Variants in LRRIQ1 observed in about 807,000 individuals in gnomAD.
LRRIQ1 encodes leucine rich repeats and IQ motif containing 1.
Under a neutral mutation model 211.9 loss-of-function variants are expected in LRRIQ1, and 210 were observed. The ratio of observed to expected loss-of-function variants is 0.99; its 90% CI spans 0.89 to 1.11. LRRIQ1 has a LOEUF of 1.11. Among genes scored for constraint, LRRIQ1 ranks in the 50% most tolerant of loss-of-function variants. LRRIQ1 has a pLI of 0.00. For synonymous variants in LRRIQ1, 699 were observed against 650.1 expected (o/e 1.08, Z -1.14); for missense variants, 2,136 against 1,939.5 (o/e 1.10, Z -1.90).
At position 85,038,249 on chromosome 12, in the gene LRRIQ1, G is replaced by A. The variant is rs1054006864; in HGVS notation, c.73G>A (p.Glu25Lys). 6 of 1,587,114 alleles carry A rather than the reference G, an allele frequency of 3.8e-6. No individual in the cohort carries two copies. The highest frequency in any genetic ancestry group is 2.7e-5 in the African/African-American group (2 of 73,466). ...GGATAAACTCAGCATTTCCTCCTTGGAAAAAGAAGACATTGAGAGTGATGC... is the reference window on the plus strand; with the variant it reads ...GGATAAACTCAGCATTTCCTCCTTGAAAAAAGAAGACATTGAGAGTGATGC... ...ELDKLSISSL[E>K]KEDIESDAKS... is the part of the protein sequence containing the mutation. Residue 25 changes from glutamate to lysine, a missense_variant, in exon 2 of 27, where the codon GAA becomes AAA. Coordinates refer to ENST00000393217, the MANE Select transcript of LRRIQ1 (RefSeq NM_001079910.2).
chr12:85,164,599 G>A (rs1390095701), intron 24 of LRRIQ1, among the ~76,000 whole-genome samples: 1 of 152,016 alleles, frequency 6.6e-6, no homozygotes, highest in Non-Finnish European at 1.5e-5. Flanking sequence ...TTATTATTAA[G>A]TACTGTGCTG....
intron 26 of LRRIQ1, among the ~76,000 whole-genome samples, chr12:85,234,608 G>A (rs1316569576): frequency 6.6e-6 from 1 of 152,010 alleles, no homozygotes; most frequent in African/African-American, 2.4e-5. Context: ...GAGAATGAAA[G>A]CACCCCACTT....
intron 24 of LRRIQ1, among the ~76,000 whole-genome samples, chr12:85,183,754 C>A (rs1423444422): frequency 6.6e-6 from 1 of 151,926 alleles, no homozygotes; most frequent in African/African-American, 2.4e-5. Flanking sequence ...TTTTATTGCA[C>A]CCAACTGCCA....
intron 13 of LRRIQ1, among the ~76,000 whole-genome samples, chr12:85,102,062 G>A (rs1886388811): frequency 6.6e-6 from 1 of 151,382 alleles, no homozygotes; most frequent in African/African-American, 2.4e-5. Context: ...ATATATTAAG[G>A]GTAGAGCACA....
At chr12:85,131,835 G>A (rs1888788214) in intron 18 of LRRIQ1, among the ~76,000 whole-genome samples, 1 of 152,078 alleles carries the variant, frequency 6.6e-6, no homozygotes, top group Admixed American at 6.6e-5. Context: ...ATGAGAAAGA[G>A]AGATGAGTTA....
At chr12:85,139,786 A>T (rs1214157022) in intron 19 of LRRIQ1, among the ~76,000 whole-genome samples, 4 of 151,430 alleles carry the variant, frequency 2.6e-5, no homozygotes. Flanking sequence ...AAAATTCAAC[A>T]TTAATCTATT....
intron 3 of LRRIQ1, among the ~76,000 whole-genome samples, chr12:85,042,867 C>G (rs1053765949): frequency 2.6e-5 from 4 of 151,944 alleles, no homozygotes; most frequent in Non-Finnish European, 5.9e-5. Context: ...TATTTCAGAT[C>G]AAAATTGTAC....
At chr12:85,271,129 A>G in the LRRIQ1 span, among the ~76,000 whole-genome samples, 2 of 152,208 alleles carry the variant, frequency 1.3e-5, no homozygotes, top group Non-Finnish European at 2.9e-5. Context: ...AATTTAAGAA[A>G]TAGTAGTACT....
At chr12:85,135,701 G>T (rs375450900) in intron 18 of LRRIQ1, among the ~76,000 whole-genome samples, 1 of 79,102 alleles carries the variant, frequency 1.3e-5, no homozygotes, top group African/African-American at 4.9e-5. Flanking sequence ...ATATGTGTTT[G>T]ATTTCATTGC....
At position 85,129,089 on chromosome 12, in the gene LRRIQ1, C is replaced by T. The variant is rs911498791; in HGVS notation, c.4209+1056C>T. The stretch of plus-strand genomic sequence containing the variant: ...TCTCTCAACTCTTAGATACCACTGG[C>T]GGTACCTTACCAATTGGTCCCCACA... On this transcript the variant is annotated intron_variant, in intron 18 of 26. Transcript: ENST00000393217. Among the ~76,000 whole-genome samples, 12 of 152,244 alleles carry T rather than the reference C, an allele frequency of 7.9e-5. 1 individual carries two copies. The Middle Eastern group carries it at 0.014, about 173-fold the overall frequency.
At chr12:85,144,981 T>A (rs1889790970) in intron 19 of LRRIQ1, among the ~76,000 whole-genome samples, 1 of 151,600 alleles carries the variant, frequency 6.6e-6, no homozygotes, top group African/African-American at 2.4e-5. Flanking sequence ...GCTTAAATTT[T>A]TCTGTATACA....
intron 1 of LRRIQ1, among the ~76,000 whole-genome samples, chr12:85,258,334 T>C (rs1281717383): frequency 6.6e-6 from 1 of 151,862 alleles, no homozygotes. Flanking sequence ...TGTGTCATGG[T>C]TCAATTGGGA....
chr12:85,156,444 G>A (rs1016951681), intron 23 of LRRIQ1, among the ~76,000 whole-genome samples: 16 of 151,726 alleles, frequency 1.1e-4, no homozygotes, highest in African/African-American at 3.6e-4. Flanking sequence ...AGTTGATGAT[G>A]TAGAACTTAT....
intron 24 of LRRIQ1, among the ~76,000 whole-genome samples, chr12:85,210,004 G>T (rs543584581): frequency 1.3e-3 from 192 of 152,108 alleles, no homozygotes; most frequent in African/African-American, 4.4e-3. Flanking sequence ...ATTTTAAAAT[G>T]TTCTTAATAT....
chr12:85,069,339 G>A (rs1272574771), intron 10 of LRRIQ1, among the ~76,000 whole-genome samples: 13 of 151,816 alleles, frequency 8.6e-5, no homozygotes, highest in Admixed American at 5.9e-4. Context: ...CCAGTCTATC[G>A]TTGTTGTACA....
chr12:85,055,808 T>G lies in LRRIQ1; in HGVS notation c.1015T>G (p.Leu339Val). 1.3e-6 allele frequency: 2 copies of G among 1,582,224 alleles called. No homozygotes were observed. The highest frequency in any genetic ancestry group is 2.3e-5 in the South Asian group (2 of 88,748). The change falls in exon 8 of 27, where the codon TTA becomes GTA. Residue 339 changes from leucine (L) to valine (V), a missense_variant. By Grantham distance (32) the Leu-to-Val change is conservative. Coordinates refer to ENST00000393217, the MANE Select transcript of LRRIQ1 (RefSeq NM_001079910.2). Reference sequence around the variant, plus strand: ...AAAGGAGGAAGAAAATCGAAAAAGATTAGAGGAGGAACAAAGGATAAAAGA... The same window carrying G: ...AAAGGAGGAAGAAAATCGAAAAAGAGTAGAGGAGGAACAAAGGATAAAAGA... ...RQKEEENRKR[L>V]EEEQRIKEER...
At position 85,072,918 on chromosome 12, in the gene LRRIQ1, T is replaced by C. The variant is rs1442227540; in HGVS notation, c.2707T>C (p.Phe903Leu). ...NKITRIGYSF[F>L]LEEKLVDNAG... ...GTCATCCTACTCAGGATATTCCTTC[T>C]TTCTGGAAGAAAAACTTGTTGACAA... Residue 903 changes from phenylalanine (F) to leucine (L), a missense_variant, in exon 11 of 27, where the codon TTT becomes CTT. Phe to Leu is a conservative substitution (Grantham distance 22). Coordinates refer to ENST00000393217, the MANE Select transcript of LRRIQ1 (RefSeq NM_001079910.2). 1 of 1,608,106 alleles carries C rather than the reference T, an allele frequency of 6.2e-7. No individual in the cohort carries two copies. Among genetic ancestry groups the C allele is most frequent in the Non-Finnish European group, 8.5e-7 (1 of 1,177,514 alleles).
chr12:85,072,844 A>C, intron 10 of LRRIQ1, 63 bp from the exon 11 acceptor site: 1 of 1,224,650 alleles, frequency 8.2e-7, no homozygotes. Context: ...CATATAAGCT[A>C]TAACCACTTG....
intron 15 of LRRIQ1, among the ~76,000 whole-genome samples, chr12:85,116,410 C>T (rs1206740611): frequency 6.6e-6 from 1 of 152,134 alleles, no homozygotes; most frequent in Non-Finnish European, 1.5e-5. Flanking sequence ...TCCCAAAGTG[C>T]TGGGATTACA....
Sources: allele counts gnomAD v4.1 joint callset (sites outside exome capture counted in the v4.1 genomes callset), GRCh38; gene constraint gnomAD v4.1.1; transcripts MANE v1.5; gene names NCBI Gene and HGNC (gene_info 2026-07-23, HGNC 2026-07-21).